The following PPM1L variants were observed in gnomAD, a reference collection of about 807,000 sequenced individuals.
The protein encoded by PPM1L is protein phosphatase 1L.
PPM1L carries 13 observed loss-of-function variants against 31.4 expected under a neutral mutation model. That is an observed-to-expected ratio of 0.41 (90% CI 0.27 to 0.66). The LOEUF (loss-of-function observed/expected upper bound fraction) is 0.66. Ranked by LOEUF, PPM1L falls within the 30% of genes least tolerant of loss-of-function variation. The pLI is 0.29. For missense variants in PPM1L, 326 were observed against 453.7 expected, an observed-to-expected ratio of 0.72 and a Z score of 2.56; for synonymous variants, 184 against 175.4, an observed-to-expected ratio of 1.05 and a Z score of -0.39.
chr3:160,766,372 T>G (rs1336668796), intron 1 of PPM1L, among the ~76,000 whole-genome samples: 1 of 152,164 alleles, frequency 6.6e-6, no homozygotes, highest in Non-Finnish European at 1.5e-5. Context: ...TGGAAGGTGA[T>G]TAGATCATGG....
At chr3:160,966,760 G>A (rs1035344116) in intron 2 of PPM1L, among the ~76,000 whole-genome samples, 1 of 152,076 alleles carries the variant, frequency 6.6e-6, no homozygotes, top group Non-Finnish European at 1.5e-5. Context: ...TGAGAGCAAA[G>A]AGTAAATCCA....
chr3:160,839,601 A>G (rs945030518), intron 1 of PPM1L, among the ~76,000 whole-genome samples: 2 of 152,204 alleles, frequency 1.3e-5, no homozygotes, highest in African/African-American at 2.4e-5. Context: ...TGGCTTCCCA[A>G]CTGGATTGGT....
chr3:161,049,021 T>C (rs1719179014), intron 2 of PPM1L, among the ~76,000 whole-genome samples: 1 of 150,738 alleles, frequency 6.6e-6, no homozygotes, highest in Non-Finnish European at 1.5e-5. Flanking sequence ...ATGGCACATA[T>C]ATACATATGT....
rs761893343 is a variant in PPM1L at position 161,069,020 on chromosome 3, TTCA to T, written c.950_952del (p.Ile317del). Reference sequence around the variant, plus strand: ...TTTCAGCAATGAAGAAGCAGTTCGATTCATCAAGGAGCGCTTGGATGAACCTCA... The same window carrying T: ...TTTCAGCAATGAAGAAGCAGTTCGATTCAAGGAGCGCTTGGATGAACCTCA... On this transcript the variant is annotated inframe_deletion, in exon 4 of 4. Coordinates refer to ENST00000498165, the MANE Select transcript of PPM1L (RefSeq NM_139245.4). The T allele has an allele frequency of 6.2e-7, 1 of 1,614,202 alleles. No homozygotes were observed. Among genetic ancestry groups the T allele is most frequent in the Admixed American group, 1.7e-5 (1 of 60,016 alleles).
rs140588041 is a variant in PPM1L, at chr3:161,006,423, T to A, written c.574+44513T>A. Among the ~76,000 whole-genome samples, 357 of 152,252 alleles carry A rather than the reference T, an allele frequency of 2.3e-3. 2 individuals carry two copies. Among genetic ancestry groups the A allele is most frequent in the Middle Eastern group, 0.01 (3 of 294 alleles). On this transcript the variant is annotated intron_variant, in intron 2 of 3. Coordinates refer to ENST00000498165, the MANE Select transcript of PPM1L (RefSeq NM_139245.4). ...TTGGGAGATGAAAAAATTCTAAAGA[T>A]CTGTTATACAACCATGTGAATATAG...
chr3:160,868,522 A>G (rs1329698718), intron 1 of PPM1L, among the ~76,000 whole-genome samples: 1 of 152,238 alleles, frequency 6.6e-6, no homozygotes, highest in Non-Finnish European at 1.5e-5. Flanking sequence ...CTGGGCCACC[A>G]AAGCAGGGCT....
At chr3:161,027,044 T>A (rs578166128) in intron 2 of PPM1L, among the ~76,000 whole-genome samples, 7 of 152,328 alleles carry the variant, frequency 4.6e-5, no homozygotes, top group Middle Eastern at 3.4e-3. Context: ...GGTTTTCTCA[T>A]CTGTAAAATG....
chr3:160,991,013 T>C (rs773690164), intron 2 of PPM1L, among the ~76,000 whole-genome samples: 27 of 151,586 alleles, frequency 1.8e-4, no homozygotes, highest in Non-Finnish European at 3.1e-4. Context: ...CTGGGCCACA[T>C]TGGAAGAAGA....
At position 161,076,908 on chromosome 3, in the gene PPM1L, C is replaced by A. The variant is rs1385683535; in HGVS notation, c.*7751C>A. The A allele has an allele frequency of 2.0e-5, 3 of 152,150 alleles. No homozygotes were observed. Among genetic ancestry groups the A allele is most frequent in the African/African-American group, 7.2e-5 (3 of 41,428 alleles). The allele number at this position is 152,150 out of a possible 1,614,324, so 9.4% of individuals were successfully genotyped here. On this transcript the variant is annotated 3_prime_UTR_variant, in exon 4 of 4. Coordinates refer to ENST00000498165, the MANE Select transcript of PPM1L (RefSeq NM_139245.4). ...TTGCATTTATAACAGATTGATCAAT[C>A]TTATGAACAGATTACATTGGGAAAG...
intron 1 of PPM1L, among the ~76,000 whole-genome samples, chr3:160,892,611 T>C (rs894229802): frequency 1.3e-5 from 2 of 151,872 alleles, no homozygotes; most frequent in Non-Finnish European, 1.5e-5. Context: ...AACCAAACTA[T>C]ACAATGTGTA....
intron 1 of PPM1L, among the ~76,000 whole-genome samples, chr3:160,908,182 A>G (rs531911473): frequency 1.3e-5 from 2 of 152,350 alleles, no homozygotes; most frequent in South Asian, 2.1e-4. Flanking sequence ...AAATGGCCCC[A>G]TAATGGTTAC....
At chr3:161,040,575 T>C (rs1718879282) in intron 2 of PPM1L, among the ~76,000 whole-genome samples, 1 of 152,230 alleles carries the variant, frequency 6.6e-6, no homozygotes, top group South Asian at 2.1e-4. Context: ...TTGGGCACTA[T>C]AGCATATGGC....
At chr3:161,037,778 G>A (rs1021624323) in intron 2 of PPM1L, among the ~76,000 whole-genome samples, 1 of 151,752 alleles carries the variant, frequency 6.6e-6, no homozygotes, top group Non-Finnish European at 1.5e-5. Flanking sequence ...ACAAGCTCAT[G>A]AGAGATCCTG....
At chr3:160,989,249 T>C (rs901998367) in intron 2 of PPM1L, among the ~76,000 whole-genome samples, 1 of 152,152 alleles carries the variant, frequency 6.6e-6, no homozygotes, top group African/African-American at 2.4e-5. Context: ...AACATGATAA[T>C]TGTCCTATAA....
Position 161,068,942 on chromosome 3 carries a change from G to C in PPM1L, c.868G>C (p.Asp290His). Residue 290 changes from aspartate (D) to histidine (H), a missense_variant, in exon 4 of 4, where the codon GAC (aspartate) becomes CAC (histidine). By Grantham distance (81) the Asp-to-His change is moderately conservative. Transcript: ENST00000498165. ...CCCAGACATCCTGACCTTTGACCTG[G>C]ACAAGCTTCAGCCTGAGTTCATGAT... ...PDPDILTFDL[D>H]KLQPEFMILA... 6.2e-7 allele frequency: 1 copy of C among 1,614,224 alleles called. No homozygotes were observed. Among genetic ancestry groups the C allele is most frequent in the Non-Finnish European group, 8.5e-7 (1 of 1,180,030 alleles).
At chr3:160,767,660 C>A (rs542884788) in intron 1 of PPM1L, among the ~76,000 whole-genome samples, 1 of 152,090 alleles carries the variant, frequency 6.6e-6, no homozygotes, top group African/African-American at 2.4e-5. Context: ...AAATTTTGGT[C>A]ATTATAAATG....
chr3:160,784,684 C>G (rs1246416079), intron 1 of PPM1L, among the ~76,000 whole-genome samples: 1 of 152,184 alleles, frequency 6.6e-6, no homozygotes, highest in Non-Finnish European at 1.5e-5. Context: ...CATGCTCTCT[C>G]ACTCAAAGAC....
intron 1 of PPM1L, among the ~76,000 whole-genome samples, chr3:160,852,641 C>T (rs1313513904): frequency 6.6e-6 from 1 of 152,176 alleles, no homozygotes; most frequent in Non-Finnish European, 1.5e-5. Flanking sequence ...GTTAATTTAA[C>T]TCATTCTCTT....
chr3:160,920,227 T>G (rs1714340280), intron 1 of PPM1L, among the ~76,000 whole-genome samples: 1 of 152,014 alleles, frequency 6.6e-6, no homozygotes, highest in Admixed American at 6.6e-5. Flanking sequence ...CCACAGCCAT[T>G]TGTGGGTACC....
Sources: allele counts gnomAD v4.1 joint callset (sites outside exome capture counted in the v4.1 genomes callset), GRCh38; gene constraint gnomAD v4.1.1; transcripts MANE v1.5; gene names NCBI Gene and HGNC (gene_info 2026-07-23, HGNC 2026-07-21).